PRR35: variants seen among roughly 807,000 people sequenced by gnomAD.
The protein encoded by PRR35 is proline rich 35.
A neutral mutation model predicts 18.6 loss-of-function variants in PRR35; 14 were observed. The observed-to-expected ratio is 0.75, with a 90% CI of 0.50 to 1.18. PRR35 has a LOEUF of 1.18. Ranked by LOEUF, PRR35 falls within the 50% of genes most tolerant of loss-of-function variation. The pLI, the probability that PRR35 is intolerant of heterozygous loss-of-function variation, is 0.00. For missense variants in PRR35, 832 were observed against 792.2 expected, an observed-to-expected ratio of 1.05 and a Z score of -0.60; for synonymous variants, 425 against 378.2, an observed-to-expected ratio of 1.12 and a Z score of -1.43.
Position 564,845 on chromosome 16 carries a change from G to T in PRR35, c.1254G>T (p.Val418=), listed in dbSNP as rs1409566917. The T allele has an allele frequency of 6.4e-7, 1 of 1,559,978 alleles. No homozygotes were observed. Among genetic ancestry groups the T allele is most frequent in the Non-Finnish European group, 8.6e-7 (1 of 1,156,594 alleles). Residue 418 remains valine, a synonymous_variant, in exon 3 of 3, where the codon GTG becomes GTT. Transcript: ENST00000409413. ...LTRALGDYAR[V]EQRLGQLGPA... is the part of the protein sequence containing the mutation. The stretch of plus-strand genomic sequence containing the variant: ...GAGCCCTCGGTGACTACGCCAGGGT[G>T]GAGCAGCGCCTGGGACAGTTGGGGC...
In PRR35 at chr16:560,557, C is replaced by G; in HGVS notation, c.-144C>G. 1 of 983,132 alleles carries G rather than the reference C, an allele frequency of 1.0e-6. No homozygotes were observed. Among genetic ancestry groups the G allele is most frequent in the Non-Finnish European group, 1.2e-6 (1 of 829,000 alleles). 60.9% of individuals were successfully genotyped at this position (983,132 alleles called of 1,614,324 possible). ...TCCCACCCCCAGAGCCCCAGCGCGT[C>G]CGCGGGGTCCGAGTCGCGGCCGGCG... On this transcript the variant is annotated 5_prime_UTR_variant, in exon 1 of 3. Transcript: ENST00000409413.
chr16:563,960 C>T lies in PRR35; in HGVS notation c.666C>T (p.Tyr222=). 6.3e-7 allele frequency: 1 copy of T among 1,599,918 alleles called. No homozygotes were observed. The highest frequency in any genetic ancestry group is 8.5e-7 in the Non-Finnish European group (1 of 1,174,502). ...NYPLSPGLFS[Y]LGPSLAAAAH... ...CGCTCAGCCCCGGCCTCTTCTCCTA[C>T]TTGGGGCCCTCACTGGCCGCTGCAG... Residue 222 remains tyrosine (Y), a synonymous_variant, in exon 2 of 3, where the codon TAC becomes TAT. Coordinates refer to ENST00000409413, the MANE Select transcript of PRR35 (RefSeq NM_145270.3).
chr16:562,177 C>T (rs549606650), intron 1 of PRR35, among the ~76,000 whole-genome samples: 20 of 152,338 alleles, frequency 1.3e-4, no homozygotes, highest in East Asian at 9.6e-4. Context: ...ATACCAGCGC[C>T]GTGTGGGGCG....
chr16:562,250 G>A (rs1214400253), intron 1 of PRR35, among the ~76,000 whole-genome samples: 1 of 152,214 alleles, frequency 6.6e-6, no homozygotes, highest in African/African-American at 2.4e-5. Context: ...CCTGCCCGAA[G>A]CCACCCAGAT....
chr16:562,584 TGCACACACACAGACACACACAG>T (rs1240340575), intron 1 of PRR35, among the ~76,000 whole-genome samples: 1 of 129,528 alleles, frequency 7.7e-6, no homozygotes, highest in African/African-American at 2.7e-5. Context: ...CACGCACACA[TGCACACACACAGACACACACAG>T]GCACACACAC....
intron 1 of PRR35, among the ~76,000 whole-genome samples, chr16:562,719 G>A (rs2035460765): frequency 1.3e-5 from 2 of 152,252 alleles, no homozygotes; most frequent in South Asian, 4.1e-4. Flanking sequence ...AGGGTTGCTG[G>A]AGGGAATGAG....
At position 564,912 on chromosome 16, in the gene PRR35, G is replaced by T. The variant is rs370182019; in HGVS notation, c.1321G>T (p.Gly441Cys). The change falls in exon 3 of 3, where the codon GGC becomes TGC. Residue 441 changes from glycine (G) to cysteine (C), a missense_variant. Around this residue, in one of 3 missense-constraint regions of PRR35, gnomAD observed 768 missense variants for 704.1 expected, o/e 1.09. Coordinates refer to ENST00000409413, the MANE Select transcript of PRR35 (RefSeq NM_145270.3). ...CCCGAGACCCCTGCGGGAGCAGCTG[G>T]GCAAGATCCGCCTGGAGCTGCTCAC... is the stretch of plus-strand genomic sequence containing the variant. Reference protein sequence around the residue: ...LAPRPLREQLGKIRLELLTIH... With the variant: ...LAPRPLREQLCKIRLELLTIH... The T allele has an allele frequency of 1.8e-4, 290 of 1,596,694 alleles. No homozygotes were observed. The highest frequency in any genetic ancestry group is 2.3e-4 in the Non-Finnish European group (267 of 1,175,396).
chr16:560,260 G>A, upstream of PRR35: 1 of 792,012 alleles, frequency 1.3e-6, no homozygotes, highest in Non-Finnish European at 1.5e-6. Context: ...GGGGGCGGCG[G>A]GGGGCGCGCG....
chr16:564,446 G>C (rs535271427), intron 2 of PRR35, 70 bp downstream of exon 2: 1 of 1,540,474 alleles, frequency 6.5e-7, no homozygotes, highest in Non-Finnish European at 8.7e-7. Context: ...GCGGTTGGGC[G>C]GCTGGGCATG....
At position 564,003 on chromosome 16, in the gene PRR35, G is replaced by T; in HGVS notation, c.709G>T (p.Ala237Ser). The change falls in exon 2 of 3, where the codon GCC (alanine) becomes TCC (serine). Residue 237 changes from alanine to serine, a missense_variant. Transcript: ENST00000409413. ...CGCTGCAGCCCATGTGCCCTTCCTGGCCTCGGCCAGCCCCCTGCTGCCCCC... is the reference window on the plus strand; with the variant it reads ...CGCTGCAGCCCATGTGCCCTTCCTGTCCTCGGCCAGCCCCCTGCTGCCCCC... ...LAAAAHVPFL[A>S]SASPLLPPAT... 1 of 1,598,196 alleles carries T rather than the reference G, an allele frequency of 6.3e-7. No individual in the cohort carries two copies.
rs892331356 is a variant in PRR35, at chr16:565,404, C to T, written c.*97C>T. 44 of 1,296,250 alleles carry T rather than the reference C, an allele frequency of 3.4e-5. No homozygotes were observed. Among genetic ancestry groups the T allele is most frequent in the African/African-American group, 6.1e-5 (4 of 65,618 alleles). 80.3% of individuals were successfully genotyped at this position (1,296,250 alleles called of 1,614,324 possible). ...ACCTGCCTGGGACCTGCCCCGCCTC[C>T]GCATGCATGTGGATAGACCCCCACG... On this transcript the variant is annotated 3_prime_UTR_variant, in exon 3 of 3. Coordinates refer to ENST00000409413, the MANE Select transcript of PRR35 (RefSeq NM_145270.3).
chr16:561,630 G>T, intron 1 of PRR35: 2 of 642,834 alleles, frequency 3.1e-6, no homozygotes, highest in Non-Finnish European at 3.9e-6. Flanking sequence ...GCCCGTGACT[G>T]CCCTGCAGGG....
chr16:562,530 C>T (rs532256150), intron 1 of PRR35, among the ~76,000 whole-genome samples: 10 of 122,212 alleles, frequency 8.2e-5, no homozygotes, highest in South Asian at 2.3e-4. Flanking sequence ...GGCGCACACA[C>T]GTGTGCACAC....
At chr16:562,705 G>T (rs1371504631) in intron 1 of PRR35, among the ~76,000 whole-genome samples, 2 of 152,232 alleles carry the variant, frequency 1.3e-5, no homozygotes, top group Non-Finnish European at 2.9e-5. Flanking sequence ...GATTGGCAGG[G>T]GCCAGGGTTG....
chr16:562,694 A>T (rs1302346503), intron 1 of PRR35, among the ~76,000 whole-genome samples: 1 of 152,226 alleles, frequency 6.6e-6, no homozygotes, highest in Non-Finnish European at 1.5e-5. Context: ...TTGAACAGGC[A>T]GATTGGCAGG....
chr16:564,977 C>G lies in PRR35; in HGVS notation c.1386C>G (p.Asp462Glu). Residue 462 changes from aspartate to glutamate, a missense_variant, in exon 3 of 3, where the codon GAC becomes GAG. Physicochemically the swap from Asp to Glu is conservative, Grantham distance 45 (BLOSUM62 2). Coordinates refer to ENST00000409413, the MANE Select transcript of PRR35 (RefSeq NM_145270.3). ...TGGAGCAGGCCGTGAGGCCGCCAGA[C>G]GCACCCCTCGACCTCTCTGTGAAAC... The part of the protein sequence containing the change: ...QALEQAVRPP[D>E]APLDLSVKRA... The G allele has an allele frequency of 1.2e-6, 2 of 1,607,176 alleles. No homozygotes were observed. The highest frequency in any genetic ancestry group is 1.7e-6 in the Non-Finnish European group (2 of 1,178,296).
chr16:561,819 G>A (rs1201545144), intron 1 of PRR35: 7 of 981,986 alleles, frequency 7.1e-6, no homozygotes, highest in Non-Finnish European at 7.3e-6. Flanking sequence ...CTGGGGAGTC[G>A]GTGTGTAGGG....
At chr16:562,442 G>A (rs578058582) in intron 1 of PRR35, among the ~76,000 whole-genome samples, 1 of 152,078 alleles carries the variant, frequency 6.6e-6, no homozygotes, top group East Asian at 1.9e-4. Flanking sequence ...ACTCACACAT[G>A]CATGCATGCA....
At chr16:564,484 C>T (rs966109707) in intron 2 of PRR35, 108 bp downstream of exon 2, 48 of 1,464,546 alleles carry the variant, frequency 3.3e-5, no homozygotes, top group Non-Finnish European at 4.2e-5. Context: ...TGAGCTCAGT[C>T]GCTGGGAAAG....
Sources: allele counts gnomAD v4.1 joint callset (sites outside exome capture counted in the v4.1 genomes callset), GRCh38; gene constraint gnomAD v4.1.1; regional missense constraint gnomAD v4.1.1; transcripts MANE v1.5; gene names NCBI Gene and HGNC (gene_info 2026-07-23, HGNC 2026-07-21).